Variants in PGLYRP3 observed in about 807,000 individuals in gnomAD.
The protein encoded by PGLYRP3 is peptidoglycan recognition protein 3.
Under a neutral mutation model 36.0 loss-of-function variants are expected in PGLYRP3, and 39 were observed. The ratio of observed to expected loss-of-function variants is 1.08; its 90% confidence interval spans 0.84 to 1.41. PGLYRP3 has a LOEUF of 1.41. Ranked by LOEUF, PGLYRP3 falls within the 40% of genes most tolerant of loss-of-function variation. The pLI, the probability that PGLYRP3 is intolerant of heterozygous loss-of-function variation, is 0.00. For synonymous variants in PGLYRP3, 204 were observed against 172.8 expected, an observed-to-expected ratio of 1.18 and a Z score of -1.42; for missense variants, 407 against 427.9, an observed-to-expected ratio of 0.95 and a Z score of 0.43.
Position 153,307,119 on chromosome 1 carries a change from C to G in PGLYRP3, c.204G>C (p.Arg68=), listed in dbSNP as rs760853510. The change falls in exon 3 of 8, where the codon CGG becomes CGC. Residue 68 remains arginine (R), a synonymous_variant. Transcript: ENST00000683862. The part of the protein sequence containing the change: ...QQQSVCSQML[R]GLQSHSVYTI... Reference sequence around the variant, plus strand: ...TGTAGACGGAATGGGACTGCAACCCCCGCAGCATCTGGCTGCAAACGCTCT... The same window carrying G: ...TGTAGACGGAATGGGACTGCAACCCGCGCAGCATCTGGCTGCAAACGCTCT... The G allele has an allele frequency of 6.2e-7, 1 of 1,613,616 alleles. No individual in the cohort carries two copies. Among genetic ancestry groups the G allele is most frequent in the Non-Finnish European group, 8.5e-7 (1 of 1,179,808 alleles).
Position 153,297,581 on chromosome 1 carries a change from G to GAAGA in PGLYRP3, c.*371_*374dup, listed in dbSNP as rs202027575. ...AAAGAAAAAGAAAGAAAGAAAGAAAGAAGAAAGAAAGAAAGAAAGAAAGAG... is the reference window on the plus strand; with the variant it reads ...AAAGAAAAAGAAAGAAAGAAAGAAAGAAGAAAGAAAGAAAGAAAGAAAGAAAGAG... On this transcript the variant is annotated 3_prime_UTR_variant, in exon 8 of 8. Coordinates refer to ENST00000683862, the MANE Select transcript of PGLYRP3 (RefSeq NM_052891.3). Among the ~76,000 whole-genome samples the GAAGA allele has an allele frequency of 0.052, 2,503 of 48,438 alleles. 116 individuals are homozygous for GAAGA. The highest frequency in any genetic ancestry group is 0.15 in the East Asian group (532 of 3,518). The allele number at this position is 48,438 out of a possible 152,430, so 31.8% of individuals were successfully genotyped here.
rs1659445359 is a variant in PGLYRP3 at position 153,297,116 on chromosome 1, T to C, written c.*840A>G. Among the ~76,000 whole-genome samples, 1 of 152,140 alleles carries C rather than the reference T, an allele frequency of 6.6e-6. No individual in the cohort carries two copies. The highest frequency in any genetic ancestry group is 2.1e-4 in the South Asian group (1 of 4,834). ...CTGGCAAGGTGAACAGGGACCTGGG[T>C]CCACTCATTCATTTATTCATCCATT... On this transcript the variant is annotated 3_prime_UTR_variant, in exon 8 of 8. Transcript: ENST00000683862.
chr1:153,307,484 G>A (rs566082661), intron 2 of PGLYRP3, among the ~76,000 whole-genome samples: 9 of 152,052 alleles, frequency 5.9e-5, no homozygotes, highest in South Asian at 4.1e-4. Flanking sequence ...AAGTCGTGCC[G>A]CCTTGTTCCC....
In PGLYRP3 at chr1:153,297,581, G is replaced by GAAAGA. The variant is rs918244220; in HGVS notation, c.*374_*375insTCTTT. On this transcript the variant is annotated 3_prime_UTR_variant, in exon 8 of 8. Coordinates refer to ENST00000683862, the MANE Select transcript of PGLYRP3 (RefSeq NM_052891.3). ...AAAGAAAAAGAAAGAAAGAAAGAAA[G>GAAAGA]AAGAAAGAAAGAAAGAAAGAAAGAG... Among the ~76,000 whole-genome samples, 62 of 48,462 alleles carry GAAAGA rather than the reference G, an allele frequency of 1.3e-3. 1 individual carries two copies. The highest frequency in any genetic ancestry group is 4.1e-3 in the African/African-American group (59 of 14,562). 31.8% of individuals were successfully genotyped at this position (48,462 alleles called of 152,430 possible). A position where few individuals can be genotyped will look rare whatever the true frequency, so the allele number is the denominator to read the frequency against.
In PGLYRP3 at chr1:153,297,554, A is replaced by C. The variant is rs200078812; in HGVS notation, c.*402T>G. Among the ~76,000 whole-genome samples the C allele has an allele frequency of 7.6e-5, 4 of 52,640 alleles. No homozygotes were observed. In the East Asian group the frequency reaches 2.3e-3, roughly 30 times the overall value. The allele number at this position is 52,640 out of a possible 152,430, so 34.5% of individuals were successfully genotyped here. On this transcript the variant is annotated 3_prime_UTR_variant, in exon 8 of 8. Coordinates refer to ENST00000683862, the MANE Select transcript of PGLYRP3 (RefSeq NM_052891.3). ...AGGAAGGAAGGAAGGAAGGAAGGAAAGAAAGAAAAAGAAAGAAAGAAAGAA... is the reference window on the plus strand; with the variant it reads ...AGGAAGGAAGGAAGGAAGGAAGGAACGAAAGAAAAAGAAAGAAAGAAAGAA...
Position 153,312,518 on chromosome 1 carries a change from A to T in PGLYRP3, c.-42+125T>A, listed in dbSNP as rs77139010. ...TTTGGAGAAAGAGTTCCAAAAAACG[A>T]GATCAGGGGAGCTTTCCCTACCATG... On this transcript the variant is annotated intron_variant, in intron 1 of 7. Coordinates refer to ENST00000683862, the MANE Select transcript of PGLYRP3 (RefSeq NM_052891.3). Among the ~76,000 whole-genome samples, 923 of 152,212 alleles carry T rather than the reference A, an allele frequency of 6.1e-3. 10 individuals carry two copies. Among genetic ancestry groups the T allele is most frequent in the African/African-American group, 0.021 (886 of 41,522 alleles).
Position 153,307,260 on chromosome 1 carries a change from G to A in PGLYRP3, c.63C>T (p.Pro21=). 2 of 1,598,492 alleles carry A rather than the reference G, an allele frequency of 1.3e-6. No homozygotes were observed. Among genetic ancestry groups the A allele is most frequent in the Non-Finnish European group, 1.7e-6 (2 of 1,172,912 alleles). The part of the protein sequence containing the change: ...FILGLQAWDT[P]TIVSRKEWGA... Reference sequence around the variant, plus strand: ...CCCACTCCTTGCGGGAGACGATGGTGGGAGTATCTGTAGGGAAGACCACAG... The same window carrying A: ...CCCACTCCTTGCGGGAGACGATGGTAGGAGTATCTGTAGGGAAGACCACAG... The change falls in exon 3 of 8, where the codon CCC becomes CCT. Residue 21 remains proline (P), a synonymous_variant. Coordinates refer to ENST00000683862, the MANE Select transcript of PGLYRP3 (RefSeq NM_052891.3).
chr1:153,297,472 GA>G lies in PGLYRP3; in HGVS notation c.*483del. ...AGGGGGAGAGAGAGAGAGAGAGAGA[GA>G]GAGTGAGAAAGCAAGAAAGAAGGTG... On this transcript the variant is annotated 3_prime_UTR_variant, in exon 8 of 8. Coordinates refer to ENST00000683862, the MANE Select transcript of PGLYRP3 (RefSeq NM_052891.3). 7.1e-6 allele frequency among the ~76,000 whole-genome samples: 1 copy of G among 141,318 alleles called. No homozygotes were observed. The highest frequency in any genetic ancestry group is 2.7e-5 in the African/African-American group (1 of 37,600). The allele number at this position is 141,318 out of a possible 152,430, so 92.7% of individuals were successfully genotyped here. A position where few individuals can be genotyped will look rare whatever the true frequency, so the allele number is the denominator to read the frequency against.
At chr1:153,308,738 T>C (rs1445147876) in intron 2 of PGLYRP3, among the ~76,000 whole-genome samples, 4 of 152,168 alleles carry the variant, frequency 2.6e-5, no homozygotes, top group Non-Finnish European at 5.9e-5. Context: ...CCAGGTCACC[T>C]AACGTCTTCT....
chr1:153,306,396 C>A (rs1356011449), intron 3 of PGLYRP3, among the ~76,000 whole-genome samples: 1 of 152,200 alleles, frequency 6.6e-6, no homozygotes, highest in Non-Finnish European at 1.5e-5. Context: ...ATCCCCAGAG[C>A]AGAAACTCAA....
intron 3 of PGLYRP3, 75 bp downstream of exon 3, chr1:153,306,988 AGAG>A (rs1659754129): frequency 2.6e-5 from 1 of 38,176 alleles, no homozygotes; most frequent in South Asian, 3.0e-4. Flanking sequence ...GCAGAAAATA[AGAG>A]CCACAGAGAA....
chr1:153,305,105 T>A, intron 3 of PGLYRP3, 40 bp from the exon 4 acceptor site: 1 of 1,550,108 alleles, frequency 6.5e-7, no homozygotes, highest in South Asian at 1.2e-5. Context: ...CAAATCTCCA[T>A]AAATGAAAAC....
rs144136736 is a variant in PGLYRP3 at position 153,302,432 on chromosome 1, C to A, written c.705G>T (p.Arg235=). The change falls in exon 6 of 8, where the codon CGG becomes CGT. Residue 235 remains arginine (R), a synonymous_variant. Transcript: ENST00000683862. ...RNIQSFHMDT[R]NFCDIGYHFL... ...ACTGATATCCAATGTCACAAAAGTT[C>A]CGTGTGTCCATGTGAAAGGACTGTA... 2.5e-6 allele frequency: 4 copies of A among 1,614,050 alleles called. No homozygotes were observed. In the African/African-American group the frequency reaches 4.0e-5, roughly 16 times the overall value.
At chr1:153,307,301 G>A (rs369262782) in intron 2 of PGLYRP3, 34 bp from the exon 3 acceptor site, 3 of 1,549,082 alleles carry the variant, frequency 1.9e-6, no homozygotes, top group South Asian at 1.2e-5. Context: ...CACATAGCAG[G>A]CCCTGCCCAT....
At chr1:153,307,416 C>A in intron 2 of PGLYRP3, 149 bp from the exon 3 acceptor site, 1 of 704,440 alleles carries the variant, frequency 1.4e-6, no homozygotes, top group South Asian at 1.8e-5. Flanking sequence ...CCAAAGCCCC[C>A]TCCTTCTCTC....
intron 6 of PGLYRP3, among the ~76,000 whole-genome samples, chr1:153,301,937 G>C (rs1177246884): frequency 6.6e-6 from 1 of 152,166 alleles, no homozygotes; most frequent in African/African-American, 2.4e-5. Context: ...GTAGAGATGA[G>C]ACAAAAGAGG....
chr1:153,311,429 A>G (rs767021325), intron 1 of PGLYRP3, among the ~76,000 whole-genome samples: 15 of 152,154 alleles, frequency 9.9e-5, no homozygotes, highest in Non-Finnish European at 1.6e-4. Context: ...TTTCCCAGAT[A>G]ATAGGGTCAG....
intron 4 of PGLYRP3, among the ~76,000 whole-genome samples, chr1:153,304,226 A>C (rs1659680711): frequency 6.6e-6 from 1 of 152,202 alleles, no homozygotes; most frequent in South Asian, 2.1e-4. Context: ...CCAAGCTAAG[A>C]CTTTATCCAC....
chr1:153,307,991 T>C (rs1357875206), intron 2 of PGLYRP3, among the ~76,000 whole-genome samples: 1 of 117,342 alleles, frequency 8.5e-6, no homozygotes, highest in Non-Finnish European at 2.0e-5. Context: ...TTTTTCTCCT[T>C]CTCTCTCTCT....
Sources: gnomAD v4.1 joint callset for allele counts (sites outside exome capture counted in the v4.1 genomes callset) on GRCh38, gnomAD v4.1.1 for gene constraint, MANE v1.5 for transcripts, NCBI Gene and HGNC (gene_info 2026-07-23, HGNC 2026-07-21) for gene names.